The following HAO1 variants were observed in gnomAD, a reference collection of about 807,000 sequenced individuals.
HAO1 encodes hydroxyacid oxidase 1, also known as 2-Hydroxyacid oxidase 1.
In HAO1, 34 loss-of-function variants were observed where a neutral mutation model predicts 39.7. That is an observed-to-expected ratio of 0.86 (90% confidence interval 0.65 to 1.14). HAO1 has a LOEUF of 1.14. Among genes scored for constraint, HAO1 ranks in the 50% most tolerant of loss-of-function variants. The probability of loss-of-function intolerance (pLI) is 0.00; values close to 1 mark genes in which losing one functional copy is unlikely to be tolerated. For synonymous variants in HAO1, 172 were observed against 173.2 expected, an observed-to-expected ratio of 0.99 and a Z score of 0.05; for missense variants, 479 against 464.5, an observed-to-expected ratio of 1.03 and a Z score of -0.29.
intron 2 of HAO1, among the ~76,000 whole-genome samples, chr20:7,916,152 T>C (rs2050306034): frequency 6.6e-6 from 1 of 152,162 alleles, no homozygotes; most frequent in Non-Finnish European, 1.5e-5. Context: ...GAGTGATAGG[T>C]AGGCTTTCTT....
intron 2 of HAO1, among the ~76,000 whole-genome samples, chr20:7,930,679 G>T (rs1345335823): frequency 6.6e-6 from 1 of 152,162 alleles, no homozygotes; most frequent in Non-Finnish European, 1.5e-5. Context: ...GGAACACTGG[G>T]TGACCATATT....
chr20:7,888,695 A>G (rs77610587), intron 5 of HAO1, among the ~76,000 whole-genome samples: 4,915 of 152,266 alleles, frequency 0.032, 278 homozygotes, highest in African/African-American at 0.11. Context: ...AATGGCTGCA[A>G]TGATCTCCTC....
intron 2 of HAO1, among the ~76,000 whole-genome samples, chr20:7,933,334 A>G (rs4140560): frequency 0.17 from 25,291 of 151,812 alleles, 2,593 homozygotes; most frequent in South Asian, 0.38. Flanking sequence ...TAGTTTTTTG[A>G]TGTTCATTTG....
chr20:7,940,061 A>G (rs1231639098), intron 1 of HAO1, among the ~76,000 whole-genome samples: 1 of 152,212 alleles, frequency 6.6e-6, no homozygotes, highest in African/African-American at 2.4e-5. Context: ...GTGAAGTAAC[A>G]TAGGTTTGGC....
intron 1 of HAO1, among the ~76,000 whole-genome samples, chr20:7,936,938 T>A (rs1231340852): frequency 6.6e-6 from 1 of 152,120 alleles, no homozygotes; most frequent in Non-Finnish European, 1.5e-5. Flanking sequence ...TTTCCCACAA[T>A]CATACATAAA....
In HAO1 at chr20:7,883,531, T is replaced by G; in HGVS notation, c.*62A>C. 8.2e-7 allele frequency: 1 copy of G among 1,216,090 alleles called. No homozygotes were observed. Among genetic ancestry groups the G allele is most frequent in the Non-Finnish European group, 1.2e-6 (1 of 816,762 alleles). The allele number at this position is 1,216,090 out of a possible 1,614,324, so 75.3% of individuals were successfully genotyped here. On this transcript the variant is annotated 3_prime_UTR_variant, in exon 8 of 8. Coordinates refer to ENST00000378789, the MANE Select transcript of HAO1 (RefSeq NM_017545.3). ...GACTGTGGTCACCCTCTGCACAGTG[T>G]CTCTTTGTCAAGTAATACATGCTGA...
intron 4 of HAO1, among the ~76,000 whole-genome samples, chr20:7,900,996 A>G (rs747549740): frequency 1.3e-5 from 2 of 152,208 alleles, no homozygotes; most frequent in Non-Finnish European, 2.9e-5. Flanking sequence ...TGGTCTGGAT[A>G]GATGATCAAA....
intron 2 of HAO1, among the ~76,000 whole-genome samples, chr20:7,920,675 A>G (rs2050326969): frequency 1.3e-5 from 2 of 152,130 alleles, no homozygotes; most frequent in South Asian, 4.1e-4. Flanking sequence ...AAGATCATAT[A>G]GTATCTGTCT....
At chr20:7,921,233 T>A (rs2423332) in intron 2 of HAO1, among the ~76,000 whole-genome samples, 19,065 of 151,974 alleles carry the variant, frequency 0.13, 1,352 homozygotes, top group East Asian at 0.2. Context: ...TCCAGAATCT[T>A]TAAGAAACTT....
In HAO1 at chr20:7,918,799, G is replaced by A. The variant is rs6140457; in HGVS notation, c.290-4380C>T. 3.9e-5 allele frequency among the ~76,000 whole-genome samples: 6 copies of A among 152,266 alleles called. No individual in the cohort carries two copies. In the East Asian group the frequency reaches 9.6e-4, roughly 24 times the overall value. On this transcript the variant is annotated intron_variant, in intron 2 of 7. Coordinates refer to ENST00000378789, the MANE Select transcript of HAO1 (RefSeq NM_017545.3). ...CAAGCTTCAAAATTTTATAAATGGCGTAGCATGGTCAGACTTCATCAAAAA... is the reference window on the plus strand; with the variant it reads ...CAAGCTTCAAAATTTTATAAATGGCATAGCATGGTCAGACTTCATCAAAAA...
At chr20:7,896,595 G>A (rs1316175534) in intron 4 of HAO1, among the ~76,000 whole-genome samples, 1 of 151,926 alleles carries the variant, frequency 6.6e-6, no homozygotes, top group Admixed American at 6.6e-5. Flanking sequence ...AAACCTATAT[G>A]CTATAGACTA....
chr20:7,888,067 C>T (rs946928096), intron 5 of HAO1, among the ~76,000 whole-genome samples: 4 of 152,122 alleles, frequency 2.6e-5, no homozygotes, highest in Non-Finnish European at 5.9e-5. Flanking sequence ...TTAGCTATTT[C>T]CTTAGTGCTT....
chr20:7,923,528 T>C (rs948207742), intron 2 of HAO1, among the ~76,000 whole-genome samples: 2 of 152,136 alleles, frequency 1.3e-5, no homozygotes, highest in Non-Finnish European at 2.9e-5. Flanking sequence ...TTGTGACTTC[T>C]CACTCATTTC....
intron 5 of HAO1, among the ~76,000 whole-genome samples, chr20:7,886,357 A>G (rs911238463): frequency 1.3e-5 from 2 of 152,058 alleles, no homozygotes; most frequent in East Asian, 1.9e-4. Context: ...TATTTTTAGT[A>G]GAGACGGGGT....
chr20:7,887,748 AT>A (rs1239641508), intron 5 of HAO1, among the ~76,000 whole-genome samples: 1 of 152,160 alleles, frequency 6.6e-6, no homozygotes, highest in Non-Finnish European at 1.5e-5. Context: ...TGTTTAGGTA[AT>A]TTCCAATGCC....
At chr20:7,928,608 C>T (rs1392263929) in intron 2 of HAO1, among the ~76,000 whole-genome samples, 1 of 151,912 alleles carries the variant, frequency 6.6e-6, no homozygotes, top group Non-Finnish European at 1.5e-5. Context: ...CTGTAAGATC[C>T]CTGGAAACAA....
intron 5 of HAO1, among the ~76,000 whole-genome samples, chr20:7,890,603 G>A (rs1177171632): frequency 6.6e-6 from 1 of 152,054 alleles, no homozygotes; most frequent in African/African-American, 2.4e-5. Context: ...GGTTATATGA[G>A]TAAGTTCTTA....
intron 1 of HAO1, among the ~76,000 whole-genome samples, chr20:7,935,965 T>G (rs1314208580): frequency 7.0e-6 from 1 of 143,732 alleles, no homozygotes; most frequent in Non-Finnish European, 1.6e-5. Flanking sequence ...GACTTTTTAG[T>G]AAATATAGTG....
chr20:7,928,256 A>T (rs1355855323), intron 2 of HAO1, among the ~76,000 whole-genome samples: 2 of 152,210 alleles, frequency 1.3e-5, no homozygotes. Context: ...AGTGCAGTCG[A>T]AAGAAGTGGG....
Sources: gnomAD v4.1 joint callset for allele counts (sites outside exome capture counted in the v4.1 genomes callset) on GRCh38, gnomAD v4.1.1 for gene constraint, MANE v1.5 for transcripts, NCBI Gene and HGNC (gene_info 2026-07-23, HGNC 2026-07-21) for gene names.